Variants in DUSP22 observed in about 807,000 individuals in gnomAD.
DUSP22 encodes the protein dual specificity protein phosphatase 22.
A neutral mutation model predicts 24.5 loss-of-function variants in DUSP22; 24 were observed. The observed-to-expected ratio is 0.98, with a 90% confidence interval of 0.71 to 1.38. The LOEUF (loss-of-function observed/expected upper bound fraction) is 1.38. Among genes scored for constraint, DUSP22 ranks in the 40% most tolerant of loss-of-function variants. The pLI, the probability that DUSP22 is intolerant of heterozygous loss-of-function variation, is 0.00. For missense variants in DUSP22, 330 were observed against 269.2 expected (o/e 1.23, Z -1.58); for synonymous variants, 160 against 106.4 (o/e 1.50, Z -3.10).
chr6:316,004 G>A (rs568876835), intron 3 of DUSP22, among the ~76,000 whole-genome samples: 319 of 152,312 alleles, frequency 2.1e-3, no homozygotes, highest in African/African-American at 7.1e-3. Context: ...TTCTTCTGCC[G>A]TTGAATCTGG....
chr6:338,688 T>C (rs1458972017), intron 4 of DUSP22, among the ~76,000 whole-genome samples: 1 of 152,300 alleles, frequency 6.6e-6, no homozygotes. Flanking sequence ...TATTCAATGA[T>C]AAAATAAATT....
At chr6:332,469 G>A (rs1419371468) in intron 3 of DUSP22, among the ~76,000 whole-genome samples, 3 of 152,306 alleles carry the variant, frequency 2.0e-5, no homozygotes, top group African/African-American at 7.2e-5. Flanking sequence ...AGGTGCTCCT[G>A]CCTCATGGGA....
At chr6:295,246 C>T (rs1424728077) in intron 1 of DUSP22, among the ~76,000 whole-genome samples, 1 of 152,286 alleles carries the variant, frequency 6.6e-6, no homozygotes, top group African/African-American at 2.4e-5. Flanking sequence ...ATCTCGTACA[C>T]ATTGGTCATT....
intron 4 of DUSP22, among the ~76,000 whole-genome samples, chr6:341,000 T>G (rs1759580812): frequency 6.6e-6 from 1 of 152,302 alleles, no homozygotes; most frequent in Non-Finnish European, 1.5e-5. Flanking sequence ...TCTTGGCCTT[T>G]GATGCAGAAA....
intron 3 of DUSP22, among the ~76,000 whole-genome samples, chr6:332,208 A>T (rs1356146684): frequency 1.3e-5 from 2 of 152,304 alleles, no homozygotes; most frequent in African/African-American, 4.8e-5. Flanking sequence ...AACAGAATAT[A>T]ATCTTGACTC....
At chr6:304,569 C>T (rs1757735454) in intron 1 of DUSP22, 59 bp from the exon 2 acceptor site, 2 of 1,612,406 alleles carry the variant, frequency 1.2e-6, no homozygotes, top group Admixed American at 1.7e-5. Context: ...AGGCCCCCTT[C>T]TGCAATACCA....
intron 3 of DUSP22, chr6:319,874 T>G (rs1355797018): frequency 6.6e-6 from 1 of 152,398 alleles, no homozygotes; most frequent in Non-Finnish European, 1.5e-5. Context: ...GAGGCAAATT[T>G]GTTTGAAGCC....
chr6:348,525 T>A, intron 6 of DUSP22: 1 of 854,784 alleles, frequency 1.2e-6, no homozygotes, highest in Non-Finnish European at 1.8e-6. Context: ...TTTCTCTCCC[T>A]TTGGGTGACG....
chr6:292,794 G>C (rs1359224818), intron 1 of DUSP22, among the ~76,000 whole-genome samples: 1 of 152,192 alleles, frequency 6.6e-6, no homozygotes, highest in African/African-American at 2.4e-5. Context: ...TGCCTTGCCA[G>C]CCGGTGCGTT....
chr6:340,706 T>C (rs1020194745), intron 4 of DUSP22, among the ~76,000 whole-genome samples: 2 of 152,304 alleles, frequency 1.3e-5, no homozygotes, highest in Non-Finnish European at 2.9e-5. Flanking sequence ...TTGCTGCTGT[T>C]ATAGCGTGGT....
At chr6:293,754 G>A (rs1011005214) in intron 1 of DUSP22, among the ~76,000 whole-genome samples, 1 of 150,980 alleles carries the variant, frequency 6.6e-6, no homozygotes, top group African/African-American at 2.4e-5. Flanking sequence ...TTTGGGACCT[G>A]CATATCAATA....
At chr6:332,322 C>A (rs1330929048) in intron 3 of DUSP22, among the ~76,000 whole-genome samples, 1 of 152,310 alleles carries the variant, frequency 6.6e-6, no homozygotes, top group Non-Finnish European at 1.5e-5. Flanking sequence ...TGGGAGGCTG[C>A]AGCTCCACAC....
intron 3 of DUSP22, among the ~76,000 whole-genome samples, chr6:327,349 C>T (rs749787207): frequency 2.1e-3 from 318 of 152,312 alleles, no homozygotes; most frequent in Non-Finnish European, 3.5e-3. Context: ...AGGTGGAGGC[C>T]GGCCCGCACT....
chr6:345,846 T>C lies in DUSP22; in HGVS notation c.189-8T>C. 6.2e-7 allele frequency: 1 copy of C among 1,614,084 alleles called. No individual in the cohort carries two copies. ...AGAGATGTCATTTCTCTTTTTTTCT[T>C]TTCCCAGGACAAGACATTTCAAAGA... On this transcript the variant is annotated splice_region_variant and splice_polypyrimidine_tract_variant and intron_variant, in intron 4 of 6. Coordinates refer to ENST00000419235, the MANE Select transcript of DUSP22 (RefSeq NM_001286555.3).
At chr6:320,625 C>A (rs1332200481) in intron 3 of DUSP22, among the ~76,000 whole-genome samples, 1 of 152,294 alleles carries the variant, frequency 6.6e-6, no homozygotes, top group Non-Finnish European at 1.5e-5. Flanking sequence ...GCTGCATGGT[C>A]ATGGGCTGGG....
chr6:332,317 G>A (rs1444914614), intron 3 of DUSP22, among the ~76,000 whole-genome samples: 2 of 152,300 alleles, frequency 1.3e-5, no homozygotes, highest in Non-Finnish European at 2.9e-5. Context: ...ACAGATGGGA[G>A]GCTGCAGCTC....
chr6:324,261 G>A (rs1758744328), intron 3 of DUSP22, among the ~76,000 whole-genome samples: 1 of 152,304 alleles, frequency 6.6e-6, no homozygotes, highest in Non-Finnish European at 1.5e-5. Flanking sequence ...GCCTCCTTCT[G>A]TGCCATGCTA....
At chr6:333,444 A>G (rs982651112) in intron 3 of DUSP22, among the ~76,000 whole-genome samples, 1 of 152,308 alleles carries the variant, frequency 6.6e-6, no homozygotes, top group Admixed American at 6.5e-5. Flanking sequence ...GTGAGGGAGA[A>G]AACGTTTTTG....
At chr6:308,726 T>C (rs1288529356) in intron 2 of DUSP22, among the ~76,000 whole-genome samples, 2 of 152,308 alleles carry the variant, frequency 1.3e-5, no homozygotes, top group Non-Finnish European at 2.9e-5. Flanking sequence ...TGTGCAGCCT[T>C]GTGAACGTAT....
Sources: allele counts gnomAD v4.1 joint callset (sites outside exome capture counted in the v4.1 genomes callset), GRCh38; gene constraint gnomAD v4.1.1; transcripts MANE v1.5; gene names NCBI Gene and HGNC (gene_info 2026-07-23, HGNC 2026-07-21).